The following GALNT17 variants were observed in gnomAD, a reference collection of about 807,000 sequenced individuals.
GALNT17 encodes polypeptide N-acetylgalactosaminyltransferase 17, also known as UDP-GalNAc:polypeptide N-acetylgalactosaminyltransferase-like 3.
In GALNT17, 29 loss-of-function variants were observed where a neutral mutation model predicts 63.7. The ratio of observed to expected loss-of-function variants is 0.46; its 90% CI spans 0.34 to 0.62. The LOEUF is 0.62. Among genes scored for constraint, GALNT17 ranks in the 20% least tolerant of loss-of-function variants. The pLI, the probability that GALNT17 is intolerant of heterozygous loss-of-function variation, is 0.01. For missense variants in GALNT17, 603 were observed against 799.6 expected (o/e 0.75, Z 2.97); for synonymous variants, 305 against 318.3 (o/e 0.96, Z 0.45).
intron 9 of GALNT17, among the ~76,000 whole-genome samples, chr7:71,691,653 C>T (rs964493965): frequency 9.2e-5 from 14 of 152,168 alleles, no homozygotes; most frequent in South Asian, 4.2e-4. Flanking sequence ...TTGTGTCTTC[C>T]GGGAAGTTTA....
chr7:71,592,733 G>C (rs1410111843), intron 6 of GALNT17, among the ~76,000 whole-genome samples: 1 of 152,054 alleles, frequency 6.6e-6, no homozygotes, highest in Non-Finnish European at 1.5e-5. Flanking sequence ...TCTGCTGGGG[G>C]CTCCCCCTGA....
chr7:71,455,660 GCT>G (rs1787342130), intron 5 of GALNT17, among the ~76,000 whole-genome samples: 1 of 152,142 alleles, frequency 6.6e-6, no homozygotes, highest in South Asian at 2.1e-4. Context: ...AGAGAAGGCA[GCT>G]CTCTCTCATG....
rs549963721 is a variant in GALNT17, at chr7:71,499,318, G to A, written c.963-71967G>A. Among the ~76,000 whole-genome samples, 3 of 152,270 alleles carry A rather than the reference G, an allele frequency of 2.0e-5. No homozygotes were observed. The South Asian group carries it at 6.2e-4, about 32-fold the overall frequency. On this transcript the variant is annotated intron_variant, in intron 5 of 10. Transcript: ENST00000333538. ...ATTTCCAAATCCCATCACTTTGAGAGGCTGAGATGGGAGGATCATATCACT... is the reference window on the plus strand; with the variant it reads ...ATTTCCAAATCCCATCACTTTGAGAAGCTGAGATGGGAGGATCATATCACT...
chr7:71,572,003 G>A (rs1789451736), intron 6 of GALNT17, among the ~76,000 whole-genome samples: 2 of 151,152 alleles, frequency 1.3e-5, no homozygotes, highest in Admixed American at 1.3e-4. Flanking sequence ...CAGAGCAAGA[G>A]AGACCCTGTC....
At chr7:71,468,203 A>T (rs181725689) in intron 5 of GALNT17, among the ~76,000 whole-genome samples, 18 of 151,444 alleles carry the variant, frequency 1.2e-4, no homozygotes, top group Non-Finnish European at 2.1e-4. Flanking sequence ...AGTTTTTAAA[A>T]TTTTCTTGTA....
At chr7:71,484,970 T>TC (rs1787886889) in intron 5 of GALNT17, among the ~76,000 whole-genome samples, 2 of 143,348 alleles carry the variant, frequency 1.4e-5, no homozygotes, top group African/African-American at 2.6e-5. Flanking sequence ...GGCTTTTTTT[T>TC]TTTTTTTTTT....
chr7:71,678,575 A>T (rs904034397), intron 9 of GALNT17, among the ~76,000 whole-genome samples: 2 of 151,940 alleles, frequency 1.3e-5, no homozygotes, highest in Non-Finnish European at 1.5e-5. Flanking sequence ...AGGTGGGCAG[A>T]TCATGAGGTC....
chr7:71,294,775 A>G (rs1249487482), intron 1 of GALNT17, among the ~76,000 whole-genome samples: 2 of 152,070 alleles, frequency 1.3e-5, no homozygotes, highest in South Asian at 4.1e-4. Flanking sequence ...TGTATATTCA[A>G]ATGCTTTATG....
At chr7:71,441,570 C>G (rs1052280311) in intron 5 of GALNT17, among the ~76,000 whole-genome samples, 1 of 152,104 alleles carries the variant, frequency 6.6e-6, no homozygotes, top group Non-Finnish European at 1.5e-5. Flanking sequence ...CTGCACCTAT[C>G]AACCGGTCAT....
At chr7:71,165,426 A>ATGGCAGAAGG (rs1255293257) in intron 1 of GALNT17, among the ~76,000 whole-genome samples, 3 of 152,214 alleles carry the variant, frequency 2.0e-5, no homozygotes, top group South Asian at 2.1e-4. Context: ...CCTCACAAAC[A>ATGGCAGAAGG]TGGCAGAAGG....
At chr7:71,357,408 C>T (rs1792307487) in intron 2 of GALNT17, among the ~76,000 whole-genome samples, 1 of 152,124 alleles carries the variant, frequency 6.6e-6, no homozygotes, top group Non-Finnish European at 1.5e-5. Context: ...ATCCTGAAAC[C>T]ATTCCCCATC....
At chr7:71,362,583 T>C (rs1792423662) in intron 2 of GALNT17, among the ~76,000 whole-genome samples, 1 of 152,214 alleles carries the variant, frequency 6.6e-6, no homozygotes, top group Admixed American at 6.5e-5. Context: ...TTAATGCCTG[T>C]GCACAGGCCT....
At position 71,661,054 on chromosome 7, in the gene GALNT17, C is replaced by G. The variant is rs373696961; in HGVS notation, c.1081-4357C>G. Among the ~76,000 whole-genome samples, 158 of 152,314 alleles carry G rather than the reference C, an allele frequency of 1.0e-3. 2 individuals are homozygous for G. The South Asian group carries it at 0.027, about 26-fold the overall frequency. On this transcript the variant is annotated intron_variant, in intron 6 of 10. Transcript: ENST00000333538. ...CTGCAGATCCATGGAGCTTCCTCTG[C>G]ATATATCTATATGCCCAGCTCTGTC...
chr7:71,401,066 G>T (rs1017426571), intron 3 of GALNT17, among the ~76,000 whole-genome samples: 1 of 151,110 alleles, frequency 6.6e-6, no homozygotes, highest in Non-Finnish European at 1.5e-5. Context: ...TTTACAATTA[G>T]TGTCCTCAAT....
At chr7:71,497,197 A>G (rs1438752396) in intron 5 of GALNT17, among the ~76,000 whole-genome samples, 1 of 152,208 alleles carries the variant, frequency 6.6e-6, no homozygotes, top group African/African-American at 2.4e-5. Flanking sequence ...TGACATTTGT[A>G]TCTGCAATGA....
intron 1 of GALNT17, among the ~76,000 whole-genome samples, chr7:71,230,734 A>G (rs113401927): frequency 5.3e-5 from 8 of 152,258 alleles, no homozygotes; most frequent in Admixed American, 1.3e-4. Context: ...TTAGGAGGGC[A>G]TCCAGACCCA....
chr7:71,291,610 C>T (rs1790981016), intron 1 of GALNT17, among the ~76,000 whole-genome samples: 1 of 151,958 alleles, frequency 6.6e-6, no homozygotes. Flanking sequence ...GCATTTTATC[C>T]CATTATTTGT....
intron 1 of GALNT17, among the ~76,000 whole-genome samples, chr7:71,214,805 T>C (rs968152992): frequency 6.6e-5 from 10 of 152,272 alleles, no homozygotes; most frequent in African/African-American, 2.4e-4. Flanking sequence ...CTTGAACTCC[T>C]GACCTCAGGC....
intron 1 of GALNT17, among the ~76,000 whole-genome samples, chr7:71,315,621 T>A (rs1791485866): frequency 6.6e-6 from 1 of 152,162 alleles, no homozygotes; most frequent in Non-Finnish European, 1.5e-5. Flanking sequence ...AAATGGAGAC[T>A]CTGAGAGTTT....
Sources: allele counts gnomAD v4.1 joint callset (sites outside exome capture counted in the v4.1 genomes callset), GRCh38; gene constraint gnomAD v4.1.1; transcripts MANE v1.5; gene names NCBI Gene and HGNC (gene_info 2026-07-23, HGNC 2026-07-21).